Variants in FGGY observed in about 807,000 individuals in gnomAD.
The protein encoded by FGGY is FGGY carbohydrate kinase domain-containing protein.
In FGGY, 72 loss-of-function variants were observed where a neutral mutation model predicts 71.3. That is an observed-to-expected ratio of 1.01 (90% CI 0.84 to 1.23). FGGY has a LOEUF of 1.23. Ranked by LOEUF, FGGY falls within the 50% of genes most tolerant of loss-of-function variation. The pLI is 0.00. For missense variants in FGGY, 668 were observed against 682.3 expected, an observed-to-expected ratio of 0.98 and a Z score of 0.23; for synonymous variants, 251 against 250.3, an observed-to-expected ratio of 1.00 and a Z score of -0.02.
chr1:59,652,077 G>T (rs1282270660), intron 11 of FGGY, among the ~76,000 whole-genome samples: 1 of 151,714 alleles, frequency 6.6e-6, no homozygotes, highest in African/African-American at 2.4e-5. Flanking sequence ...GTTGAATATT[G>T]GCCCCCACTC....
Position 59,585,026 on chromosome 1 carries a change from C to A in FGGY, c.904-22777C>A, listed in dbSNP as rs574110589. Among the ~76,000 whole-genome samples, 8 of 152,098 alleles carry A rather than the reference C, an allele frequency of 5.3e-5. No individual in the cohort carries two copies. The East Asian group carries it at 1.4e-3, about 26-fold the overall frequency. On this transcript the variant is annotated intron_variant, in intron 8 of 15. Coordinates refer to ENST00000303721, the MANE Select transcript of FGGY (RefSeq NM_018291.5). ...TGCTCAATGAAATAAAAGAGGATAC[C>A]AATAAATGGAAGAACATTCCATGCT...
chr1:59,657,131 G>T lies in FGGY; in HGVS notation c.1222-3088G>T, dbSNP rs180963612. ...TTATGGATTCTTACTAATTGAGAAG[G>T]ATATCAGAACCCATTACATTATCAG... On this transcript the variant is annotated intron_variant, in intron 11 of 15. Coordinates refer to ENST00000303721, the MANE Select transcript of FGGY (RefSeq NM_018291.5). Among the ~76,000 whole-genome samples, 456 of 152,272 alleles carry T rather than the reference G, an allele frequency of 3.0e-3. 6 individuals carry two copies. Among genetic ancestry groups the T allele is most frequent in the African/African-American group, 0.01 (433 of 41,556 alleles).
chr1:59,324,087 C>T (rs1443926426), intron 2 of FGGY, among the ~76,000 whole-genome samples: 1 of 152,002 alleles, frequency 6.6e-6, no homozygotes, highest in Non-Finnish European at 1.5e-5. Context: ...TGTTCTAATT[C>T]CTTTTCCCTA....
chr1:59,300,412 A>G (rs961561780), intron 1 of FGGY, among the ~76,000 whole-genome samples: 1 of 152,088 alleles, frequency 6.6e-6, no homozygotes, highest in African/African-American at 2.4e-5. Flanking sequence ...TAACTTGCAG[A>G]TATTTTCTTA....
intron 7 of FGGY, among the ~76,000 whole-genome samples, chr1:59,530,324 T>G (rs1295076315): frequency 6.6e-6 from 1 of 152,220 alleles, no homozygotes; most frequent in African/African-American, 2.4e-5. Flanking sequence ...TAGCTGACTA[T>G]GCAAAAATAT....
intron 8 of FGGY, among the ~76,000 whole-genome samples, chr1:59,599,946 A>C (rs987622937): frequency 2.6e-5 from 4 of 152,192 alleles, no homozygotes; most frequent in African/African-American, 9.7e-5. Context: ...TACATCAGAC[A>C]GTCCCATATG....
chr1:59,601,605 ACT>A (rs1418450900), intron 8 of FGGY, among the ~76,000 whole-genome samples: 1 of 152,088 alleles, frequency 6.6e-6, no homozygotes, highest in Non-Finnish European at 1.5e-5. Context: ...TGTCAGGGTA[ACT>A]CTAAGTCTGA....
At chr1:59,658,416 A>G (rs2097242206) in intron 11 of FGGY, among the ~76,000 whole-genome samples, 1 of 152,214 alleles carries the variant, frequency 6.6e-6, no homozygotes, top group Non-Finnish European at 1.5e-5. Context: ...TGTGTATTAA[A>G]AAATCAAAGC....
intron 5 of FGGY, among the ~76,000 whole-genome samples, chr1:59,409,596 TTTTATA>T (rs57590664): frequency 0.041 from 3,432 of 84,004 alleles, 147 homozygotes; most frequent in African/African-American, 0.13. Context: ...AGGAAGAGTT[TTTTATA>T]TATATATATA....
At chr1:59,742,266 C>G (rs759909289) in intron 14 of FGGY, among the ~76,000 whole-genome samples, 1 of 152,200 alleles carries the variant, frequency 6.6e-6, no homozygotes, top group Non-Finnish European at 1.5e-5. Flanking sequence ...TACAGAAATT[C>G]CACCAAAATC....
Position 59,667,388 on chromosome 1 carries a change from C to G in FGGY, c.1402C>G (p.His468Asp), listed in dbSNP as rs1302784178. Residue 468 changes from histidine to aspartate, a missense_variant, in exon 13 of 16, where the codon CAT becomes GAT. Physicochemically the swap from His to Asp is moderately conservative, Grantham distance 81. Around this residue, in one of 2 missense-constraint regions of FGGY, gnomAD observed 661 missense variants for 661.6 expected, o/e 1.00. Transcript: ENST00000303721. ...LSKNPLFVQMHADITGMPVVL... is the reference protein window; with the variant it reads ...LSKNPLFVQMDADITGMPVVL... Reference sequence around the variant, plus strand: ...CAAGAATCCCCTTTTTGTGCAAATGCATGCGGACATTACTGGTAAGTCTGG... The same window carrying G: ...CAAGAATCCCCTTTTTGTGCAAATGGATGCGGACATTACTGGTAAGTCTGG... 1.9e-6 allele frequency: 3 copies of G among 1,614,004 alleles called. No homozygotes were observed. Among genetic ancestry groups the G allele is most frequent in the Non-Finnish European group, 2.5e-6 (3 of 1,180,018 alleles).
chr1:59,448,924 T>TG (rs1346423241), intron 5 of FGGY, among the ~76,000 whole-genome samples: 1 of 152,208 alleles, frequency 6.6e-6, no homozygotes, highest in African/African-American at 2.4e-5. Flanking sequence ...ACTCCTTTAG[T>TG]GGGCCAGATC....
chr1:59,714,828 T>C (rs1400757535), intron 14 of FGGY, among the ~76,000 whole-genome samples: 1 of 152,206 alleles, frequency 6.6e-6, no homozygotes, highest in Non-Finnish European at 1.5e-5. Flanking sequence ...GCATGAGTTA[T>C]TTTTCCTTTT....
intron 14 of FGGY, among the ~76,000 whole-genome samples, chr1:59,735,394 G>A (rs1356845024): frequency 6.6e-6 from 1 of 152,166 alleles, no homozygotes; most frequent in Non-Finnish European, 1.5e-5. Context: ...GAGTCAGGAG[G>A]CCCAAGTTCT....
Position 59,415,892 on chromosome 1 carries a change from C to T in FGGY, c.554+37055C>T, listed in dbSNP as rs557616761. Reference sequence around the variant, plus strand: ...GCTTTCTCCTTTCTGTTTTCAAAGCCCTGGGAAAGAATTCTGATTAGTTTC... The same window carrying T: ...GCTTTCTCCTTTCTGTTTTCAAAGCTCTGGGAAAGAATTCTGATTAGTTTC... On this transcript the variant is annotated intron_variant, in intron 5 of 15. Coordinates refer to ENST00000303721, the MANE Select transcript of FGGY (RefSeq NM_018291.5). 2.6e-5 allele frequency among the ~76,000 whole-genome samples: 4 copies of T among 152,240 alleles called. No individual in the cohort carries two copies. In the East Asian group the frequency reaches 5.8e-4, roughly 22 times the overall value.
rs116705255 is a variant in FGGY at position 59,688,000 on chromosome 1, G to A, written c.1512+13867G>A. 5.5e-3 allele frequency among the ~76,000 whole-genome samples: 842 copies of A among 152,292 alleles called. 6 individuals carry two copies. The highest frequency in any genetic ancestry group is 0.019 in the African/African-American group (794 of 41,566). Reference sequence around the variant, plus strand: ...GGATGGCTGGTTATCATGGAGAGACGTTCACTTGGACTAAAGCTCAAAAGA... The same window carrying A: ...GGATGGCTGGTTATCATGGAGAGACATTCACTTGGACTAAAGCTCAAAAGA... On this transcript the variant is annotated intron_variant, in intron 14 of 15. Transcript: ENST00000303721.
At chr1:59,425,484 A>G (rs2066188258) in intron 5 of FGGY, among the ~76,000 whole-genome samples, 2 of 152,138 alleles carry the variant, frequency 1.3e-5, no homozygotes, top group South Asian at 2.1e-4. Context: ...GGAGGAGCAT[A>G]ATGCGTAGAG....
intron 2 of FGGY, among the ~76,000 whole-genome samples, chr1:59,337,201 C>T (rs991035014): frequency 2.6e-5 from 4 of 151,830 alleles, no homozygotes; most frequent in African/African-American, 4.8e-5. Flanking sequence ...CCAGGGAAGC[C>T]GACAATGCAG....
intron 14 of FGGY, among the ~76,000 whole-genome samples, chr1:59,674,673 G>T (rs1441059468): frequency 1.3e-5 from 2 of 152,108 alleles, no homozygotes; most frequent in Non-Finnish European, 2.9e-5. Context: ...TTCCTGGCAG[G>T]CAAGACAAAA....
Sources: allele counts gnomAD v4.1 joint callset (sites outside exome capture counted in the v4.1 genomes callset), GRCh38; gene constraint gnomAD v4.1.1; regional missense constraint gnomAD v4.1.1; transcripts MANE v1.5; gene names NCBI Gene and HGNC (gene_info 2026-07-23, HGNC 2026-07-21).